HSD17B4: variants seen among roughly 807,000 people sequenced by gnomAD.
The protein encoded by HSD17B4 is peroxisomal multifunctional enzyme type 2.
HSD17B4 carries 70 observed loss-of-function variants against 101.0 expected under a neutral mutation model. The ratio of observed to expected loss-of-function variants is 0.69; its 90% CI spans 0.57 to 0.85. The LOEUF (loss-of-function observed/expected upper bound fraction) is 0.85. HSD17B4 is among the 40% of genes least tolerant of loss of function. HSD17B4 has a pLI of 0.00. For missense variants in HSD17B4, 984 were observed against 892.4 expected (o/e 1.10, Z -1.31); for synonymous variants, 347 against 297.1 (o/e 1.17, Z -1.73).
chr5:119,495,443 G>C (rs527306354), intron 11 of HSD17B4, among the ~76,000 whole-genome samples: 7 of 152,194 alleles, frequency 4.6e-5, no homozygotes, highest in African/African-American at 1.7e-4. Flanking sequence ...TTATTTTACA[G>C]ATGATGGAAC....
At chr5:119,541,787 T>G in intron 23 of HSD17B4, 118 bp from the exon 24 acceptor site, 1 of 689,282 alleles carries the variant, frequency 1.5e-6, no homozygotes, top group South Asian at 1.7e-5. Context: ...AAGGTTGCCT[T>G]TGTTGTCCAG....
chr5:119,518,915 C>G (rs962054832), intron 17 of HSD17B4, among the ~76,000 whole-genome samples: 1 of 152,000 alleles, frequency 6.6e-6, no homozygotes, highest in Non-Finnish European at 1.5e-5. Flanking sequence ...AGGAGAGTCA[C>G]TTGAGCTCAG....
chr5:119,529,349 C>G (rs1753860702), intron 20 of HSD17B4, among the ~76,000 whole-genome samples: 1 of 152,172 alleles, frequency 6.6e-6, no homozygotes, highest in Admixed American at 6.5e-5. Context: ...GCTGTGTACA[C>G]TTCCTCTTGA....
At chr5:119,478,426 T>G (rs1016698628) in intron 7 of HSD17B4, among the ~76,000 whole-genome samples, 5 of 152,162 alleles carry the variant, frequency 3.3e-5, no homozygotes, top group African/African-American at 1.2e-4. Flanking sequence ...TGAGTGAGGT[T>G]GGGTCAGATT....
chr5:119,508,674 G>A (rs1751885801), intron 15 of HSD17B4, among the ~76,000 whole-genome samples: 1 of 152,106 alleles, frequency 6.6e-6, no homozygotes, highest in Non-Finnish European at 1.5e-5. Context: ...CTAGTTGATG[G>A]GAAAATAAGA....
chr5:119,531,041 A>C (rs1158992814), intron 21 of HSD17B4, among the ~76,000 whole-genome samples: 2 of 151,954 alleles, frequency 1.3e-5, no homozygotes, highest in Non-Finnish European at 2.9e-5. Context: ...TTTTCTTTTA[A>C]AATATTATTT....
At chr5:119,455,620 C>A (rs1431348349) in intron 1 of HSD17B4, among the ~76,000 whole-genome samples, 1 of 150,344 alleles carries the variant, frequency 6.7e-6, no homozygotes, top group African/African-American at 2.5e-5. Flanking sequence ...CACCTTGTAG[C>A]TTTGAGTCAG....
chr5:119,515,141 C>CATA, intron 17 of HSD17B4, 95 bp downstream of exon 17: 1 of 768,196 alleles, frequency 1.3e-6, no homozygotes, highest in Non-Finnish European at 2.4e-6. Flanking sequence ...GCATCTAATG[C>CATA]ATAATGAATA....
chr5:119,489,368 A>G (rs1450175424), intron 9 of HSD17B4, 85 bp downstream of exon 9: 2 of 835,192 alleles, frequency 2.4e-6, no homozygotes, highest in Non-Finnish European at 4.2e-6. Flanking sequence ...CATCACTTGT[A>G]TATTTTTAAA....
intron 15 of HSD17B4, among the ~76,000 whole-genome samples, chr5:119,507,272 T>C (rs1751741108): frequency 6.6e-6 from 1 of 152,214 alleles, no homozygotes; most frequent in Non-Finnish European, 1.5e-5. Context: ...ATGTGTTAGC[T>C]ATTTGGAACT....
chr5:119,474,530 A>G, intron 4 of HSD17B4, 70 bp downstream of exon 4: 1 of 891,914 alleles, frequency 1.1e-6, no homozygotes, highest in Non-Finnish European at 1.9e-6. Flanking sequence ...TTTTAAGTTG[A>G]CTTTCATTTA....
At chr5:119,525,457 A>G (rs1753501463) in intron 18 of HSD17B4, among the ~76,000 whole-genome samples, 172 bp downstream of exon 18, 1 of 152,194 alleles carries the variant, frequency 6.6e-6, no homozygotes, top group South Asian at 2.1e-4. Flanking sequence ...TGTGTTCAGA[A>G]AATAGTGCAC....
intron 20 of HSD17B4, among the ~76,000 whole-genome samples, chr5:119,529,638 G>T (rs1294209561): frequency 6.6e-6 from 1 of 151,938 alleles, no homozygotes; most frequent in African/African-American, 2.4e-5. Context: ...GACCTCATAG[G>T]GTTTCTTTGT....
At chr5:119,466,469 C>T (rs969963049) in intron 2 of HSD17B4, among the ~76,000 whole-genome samples, 12 of 152,072 alleles carry the variant, frequency 7.9e-5, no homozygotes, top group Non-Finnish European at 1.5e-4. Context: ...ACTTTTTATA[C>T]CCGCTTCAAT....
intron 2 of HSD17B4, among the ~76,000 whole-genome samples, chr5:119,472,172 G>C (rs559206082): frequency 2.6e-5 from 4 of 151,922 alleles, no homozygotes; most frequent in Non-Finnish European, 5.9e-5. Context: ...TTTAGACACT[G>C]TGTGTTGTAA....
At chr5:119,513,757 A>G (rs1011880594) in intron 16 of HSD17B4, among the ~76,000 whole-genome samples, 1 of 152,186 alleles carries the variant, frequency 6.6e-6, no homozygotes, top group Non-Finnish European at 1.5e-5. Flanking sequence ...GCTTTGAGAA[A>G]AAAATCAGAG....
chr5:119,519,188 T>A (rs1161370629), intron 17 of HSD17B4, among the ~76,000 whole-genome samples: 1 of 152,140 alleles, frequency 6.6e-6, no homozygotes, highest in Non-Finnish European at 1.5e-5. Flanking sequence ...GTGTACTTTG[T>A]AGTTTTTCAT....
intron 17 of HSD17B4, among the ~76,000 whole-genome samples, chr5:119,521,728 A>G (rs1446666101): frequency 2.6e-5 from 4 of 151,586 alleles, no homozygotes; most frequent in Non-Finnish European, 5.9e-5. Context: ...TTTAATCATT[A>G]CTTATTTATT....
At chr5:119,517,414 C>T (rs1250496292) in intron 17 of HSD17B4, among the ~76,000 whole-genome samples, 6 of 152,306 alleles carry the variant, frequency 3.9e-5, no homozygotes, top group East Asian at 1.9e-4. Context: ...CTGTGCAGCT[C>T]GAGCCTCCCT....
Sources: allele counts gnomAD v4.1 joint callset (sites outside exome capture counted in the v4.1 genomes callset), GRCh38; gene constraint gnomAD v4.1.1; transcripts MANE v1.5; gene names NCBI Gene and HGNC (gene_info 2026-07-23, HGNC 2026-07-21).